The following KCTD16 variants were observed in gnomAD, a reference collection of about 807,000 sequenced individuals.
KCTD16 encodes potassium channel tetramerization domain containing 16.
Under a neutral mutation model 33.2 loss-of-function variants are expected in KCTD16, and 13 were observed. The observed-to-expected ratio is 0.39, with a 90% CI of 0.25 to 0.62. KCTD16 has a LOEUF of 0.62. KCTD16 is among the 20% of genes least tolerant of loss of function. The pLI is 0.50. For synonymous variants in KCTD16, 197 were observed against 195.3 expected, an observed-to-expected ratio of 1.01 and a Z score of -0.07; for missense variants, 441 against 525.1, an observed-to-expected ratio of 0.84 and a Z score of 1.57.
chr5:144,431,004 T>C (rs1181031109), intron 3 of KCTD16, among the ~76,000 whole-genome samples: 1 of 152,154 alleles, frequency 6.6e-6, no homozygotes, highest in Non-Finnish European at 1.5e-5. Context: ...AGGGATTCCA[T>C]AGTCCTCCTG....
At chr5:144,400,655 G>A (rs1752682667) in intron 3 of KCTD16, among the ~76,000 whole-genome samples, 1 of 152,118 alleles carries the variant, frequency 6.6e-6, no homozygotes, top group African/African-American at 2.4e-5. Flanking sequence ...GATGACTGAA[G>A]CAGATAAGGT....
intron 3 of KCTD16, among the ~76,000 whole-genome samples, chr5:144,458,086 G>A (rs986704253): frequency 6.6e-6 from 1 of 152,148 alleles, no homozygotes; most frequent in Non-Finnish European, 1.5e-5. Context: ...GAAACTGGAA[G>A]TCTAGTAACA....
At chr5:144,440,605 G>A (rs934618685) in intron 3 of KCTD16, among the ~76,000 whole-genome samples, 5 of 151,888 alleles carry the variant, frequency 3.3e-5, no homozygotes, top group Non-Finnish European at 7.4e-5. Context: ...GCCAAGGCAG[G>A]AGGATTCCTT....
chr5:144,316,606 G>A (rs1217739778), intron 3 of KCTD16, among the ~76,000 whole-genome samples: 3 of 145,866 alleles, frequency 2.1e-5, no homozygotes, highest in Admixed American at 7.2e-5. Context: ...TCCACCTCCC[G>A]GGTTCAAGTG....
At chr5:144,385,607 T>G (rs2126934439) in intron 3 of KCTD16, among the ~76,000 whole-genome samples, 1 of 152,306 alleles carries the variant, frequency 6.6e-6, no homozygotes, top group African/African-American at 2.4e-5. Flanking sequence ...CAATAGAAAA[T>G]ATGGCCACTA....
chr5:144,243,155 C>T (rs933142503), intron 3 of KCTD16, among the ~76,000 whole-genome samples: 9 of 152,182 alleles, frequency 5.9e-5, no homozygotes, highest in African/African-American at 2.2e-4. Flanking sequence ...ATTTTCATCA[C>T]ATCATATCAA....
At position 144,415,280 on chromosome 5, in the gene KCTD16, C is replaced by T. The variant is rs1055468978; in HGVS notation, c.833-58380C>T. Among the ~76,000 whole-genome samples, 6 of 152,106 alleles carry T rather than the reference C, an allele frequency of 3.9e-5. No homozygotes were observed. The East Asian group carries it at 5.8e-4, about 15-fold the overall frequency. ...CATGAACCAAGCACCTCCCATTAGG[C>T]GCCATCTCCCAACATATAACACTGA... On this transcript the variant is annotated intron_variant, in intron 3 of 3. Transcript: ENST00000512467.
At chr5:144,210,313 G>A (rs977858781) in intron 3 of KCTD16, among the ~76,000 whole-genome samples, 1 of 152,040 alleles carries the variant, frequency 6.6e-6, no homozygotes, top group Non-Finnish European at 1.5e-5. Context: ...TTAAGAGGCA[G>A]GTAAGAAATG....
At position 144,355,129 on chromosome 5, in the gene KCTD16, G is replaced by A. The variant is rs149648356; in HGVS notation, c.833-118531G>A. 2.6e-3 allele frequency among the ~76,000 whole-genome samples: 402 copies of A among 152,198 alleles called. 3 individuals carry two copies. Among genetic ancestry groups the A allele is most frequent in the African/African-American group, 9.2e-3 (382 of 41,548 alleles). Reference sequence around the variant, plus strand: ...AGACATCTAGAACATTCTGGAGCTGGGAAACAGACCTACTACCGCCATGTT... The same window carrying A: ...AGACATCTAGAACATTCTGGAGCTGAGAAACAGACCTACTACCGCCATGTT... On this transcript the variant is annotated intron_variant, in intron 3 of 3. Transcript: ENST00000512467.
At chr5:144,311,366 C>G (rs1389233510) in intron 3 of KCTD16, among the ~76,000 whole-genome samples, 1 of 152,148 alleles carries the variant, frequency 6.6e-6, no homozygotes, top group African/African-American at 2.4e-5. Context: ...TAGTAAATAC[C>G]TGGCATACAG....
At chr5:144,307,150 T>C (rs1751622554) in intron 3 of KCTD16, among the ~76,000 whole-genome samples, 1 of 152,214 alleles carries the variant, frequency 6.6e-6, no homozygotes, top group Non-Finnish European at 1.5e-5. Flanking sequence ...GCCTTTGCTT[T>C]TCCAAGGTGC....
intron 3 of KCTD16, among the ~76,000 whole-genome samples, chr5:144,351,357 A>G (rs1422227312): frequency 1.3e-5 from 2 of 152,232 alleles, no homozygotes; most frequent in Admixed American, 1.3e-4. Flanking sequence ...ACAATGCAAT[A>G]TCACATCGTA....
intron 3 of KCTD16, among the ~76,000 whole-genome samples, chr5:144,423,376 C>T (rs1365513026): frequency 1.3e-5 from 2 of 152,064 alleles, no homozygotes; most frequent in African/African-American, 2.4e-5. Flanking sequence ...CTGTAGGGGA[C>T]AATCAGACCT....
At chr5:144,333,467 T>C (rs1022084279) in intron 3 of KCTD16, among the ~76,000 whole-genome samples, 1 of 152,118 alleles carries the variant, frequency 6.6e-6, no homozygotes, top group Admixed American at 6.6e-5. Context: ...AATAAGCCTT[T>C]ATGTAGCCTG....
chr5:144,243,187 CTTATTACTTTTGATGTGGATCTTGA>C lies in KCTD16; in HGVS notation c.832+35672_832+35696del, dbSNP rs544638389. Among the ~76,000 whole-genome samples the C allele has an allele frequency of 3.1e-4, 47 of 152,214 alleles. No homozygotes were observed. In the East Asian group the frequency reaches 4.6e-3, roughly 15 times the overall value. On this transcript the variant is annotated intron_variant, in intron 3 of 3. Coordinates refer to ENST00000512467, the MANE Select transcript of KCTD16 (RefSeq NM_020768.4). ...TCAAGGGTACACATTATTAATGTGA[CTTATTACTTTTGATGTGGATCTTGA>C]TTATTACTTTTGATGTGGATCTTGA... is the stretch of plus-strand genomic sequence containing the variant.
chr5:144,440,410 T>C (rs1249512158), intron 3 of KCTD16, among the ~76,000 whole-genome samples: 1 of 152,178 alleles, frequency 6.6e-6, no homozygotes, highest in Non-Finnish European at 1.5e-5. Context: ...AAAACTGTTT[T>C]CCAAATTGCC....
At chr5:144,460,470 C>T (rs1038466314) in intron 3 of KCTD16, among the ~76,000 whole-genome samples, 1 of 152,168 alleles carries the variant, frequency 6.6e-6, no homozygotes, top group African/African-American at 2.4e-5. Flanking sequence ...GAGGCAGAGT[C>T]TCACTCTGTC....
intron 3 of KCTD16, among the ~76,000 whole-genome samples, chr5:144,252,294 A>G (rs1179692638): frequency 6.6e-6 from 1 of 152,190 alleles, no homozygotes; most frequent in Non-Finnish European, 1.5e-5. Flanking sequence ...ATGAGTATAA[A>G]TCTGAGTAAA....
Position 144,391,122 on chromosome 5 carries a change from A to G in KCTD16, c.833-82538A>G, listed in dbSNP as rs190220513. On this transcript the variant is annotated intron_variant, in intron 3 of 3. Coordinates refer to ENST00000512467, the MANE Select transcript of KCTD16 (RefSeq NM_020768.4). ...TCAGGTGCTTCCTGACTCCATTCCCAGCTAACTTGGCATATTGCATCATGC... is the reference window on the plus strand; with the variant it reads ...TCAGGTGCTTCCTGACTCCATTCCCGGCTAACTTGGCATATTGCATCATGC... 9.3e-4 allele frequency among the ~76,000 whole-genome samples: 142 copies of G among 152,084 alleles called. 1 individual carries two copies. The highest frequency in any genetic ancestry group is 3.3e-3 in the African/African-American group (138 of 41,472).
Sources: gnomAD v4.1 joint callset for allele counts (sites outside exome capture counted in the v4.1 genomes callset) on GRCh38, gnomAD v4.1.1 for gene constraint, MANE v1.5 for transcripts, NCBI Gene and HGNC (gene_info 2026-07-23, HGNC 2026-07-21) for gene names.